GLIS3: variants seen among roughly 807,000 people sequenced by gnomAD.
The protein encoded by GLIS3 is zinc finger protein GLIS3.
A neutral mutation model predicts 78.6 loss-of-function variants in GLIS3; 53 were observed. That is an observed-to-expected ratio of 0.67 (90% CI 0.54 to 0.85). The LOEUF is 0.85. Ranked by LOEUF, GLIS3 falls within the 40% of genes least tolerant of loss-of-function variation. The pLI, the probability that GLIS3 is intolerant of heterozygous loss-of-function variation, is 0.00. For missense variants in GLIS3, 1,703 were observed against 1,231.1 expected (o/e 1.38, Z -5.74); for synonymous variants, 684 against 509.9 (o/e 1.34, Z -4.60).
chr9:4,419,699 G>A, the GLIS3 span, among the ~76,000 whole-genome samples: 1 of 152,110 alleles, frequency 6.6e-6, no homozygotes, highest in Non-Finnish European at 1.5e-5. Flanking sequence ...AGAATCGCTT[G>A]AACCCAGGAG....
intron 4 of GLIS3, among the ~76,000 whole-genome samples, chr9:3,951,841 A>AACACACACAC (rs3061609): frequency 0.068 from 8,886 of 130,438 alleles, 396 homozygotes; most frequent in African/African-American, 0.084. Flanking sequence ...AATAAGCATG[A>AACACACACAC]ACACACACAC....
At chr9:4,265,073 G>A (rs143221635) in intron 2 of GLIS3, among the ~76,000 whole-genome samples, 1 of 151,188 alleles carries the variant, frequency 6.6e-6, no homozygotes, top group Non-Finnish European at 1.5e-5. Flanking sequence ...TCGGGAGGCT[G>A]AGGCAGGAGA....
At chr9:4,033,929 G>T (rs139987874) in intron 4 of GLIS3, among the ~76,000 whole-genome samples, 1 of 140,412 alleles carries the variant, frequency 7.1e-6, no homozygotes, top group Admixed American at 7.2e-5. Context: ...TCTGGGTTCA[G>T]ATTAAGCCAT....
Position 4,096,816 on chromosome 9 carries a change from A to T in GLIS3, c.1710+20952T>A, listed in dbSNP as rs530405574. 7.2e-5 allele frequency among the ~76,000 whole-genome samples: 11 copies of T among 152,290 alleles called. 1 individual carries two copies. The South Asian group carries it at 2.3e-3, about 32-fold the overall frequency. The stretch of plus-strand genomic sequence containing the variant: ...TGCTTGAACCCTGGAGCTCAAGACC[A>T]GCCTGGGCAACATGGCAAAATTCCG... On this transcript the variant is annotated intron_variant, in intron 4 of 10. Coordinates refer to ENST00000381971, the MANE Select transcript of GLIS3 (RefSeq NM_001042413.2).
intron 8 of GLIS3, among the ~76,000 whole-genome samples, chr9:3,873,393 G>C (rs765110755): frequency 6.6e-6 from 1 of 152,078 alleles, no homozygotes; most frequent in Admixed American, 6.5e-5. Context: ...ATTTATACGA[G>C]GGAAGCAAGG....
chr9:4,298,713 GGGGAGGGTTCGT>G, intron 1 of GLIS3, among the ~76,000 whole-genome samples: 1 of 152,284 alleles, frequency 6.6e-6, no homozygotes. Context: ...CGAACCCGGC[GGGGAGGGTTCGT>G]GTCTGGCTGT....
At chr9:3,943,999 CT>C (rs1221211199) in intron 4 of GLIS3, among the ~76,000 whole-genome samples, 1 of 152,174 alleles carries the variant, frequency 6.6e-6, no homozygotes, top group Admixed American at 6.5e-5. Context: ...GCTTGTTGCG[CT>C]GCTTATTTTT....
At chr9:4,370,968 T>C in the GLIS3 span, among the ~76,000 whole-genome samples, 2 of 152,124 alleles carry the variant, frequency 1.3e-5, no homozygotes, top group African/African-American at 2.4e-5. Context: ...AGAAGGAAAA[T>C]TGCAAAGATT....
chr9:4,405,317 G>C, the GLIS3 span, among the ~76,000 whole-genome samples: 1 of 150,770 alleles, frequency 6.6e-6, no homozygotes, highest in Non-Finnish European at 1.5e-5. Context: ...TCGTGCCATT[G>C]CACTCCAGCC....
chr9:4,449,757 C>T, the GLIS3 span, among the ~76,000 whole-genome samples: 1 of 152,134 alleles, frequency 6.6e-6, no homozygotes, highest in Non-Finnish European at 1.5e-5. Flanking sequence ...AGGGACCTGA[C>T]TCTTAGAAGA....
At chr9:3,828,934 C>G (rs961166587) in intron 10 of GLIS3, among the ~76,000 whole-genome samples, 1 of 152,018 alleles carries the variant, frequency 6.6e-6, no homozygotes, top group Non-Finnish European at 1.5e-5. Context: ...AATTTATTCT[C>G]TAGGCAATTG....
At chr9:4,192,463 C>G (rs148588688) in intron 2 of GLIS3, among the ~76,000 whole-genome samples, 199 of 152,252 alleles carry the variant, frequency 1.3e-3, no homozygotes, top group African/African-American at 4.6e-3. Flanking sequence ...TCTGAACAAC[C>G]AATTTCCAAA....
chr9:4,235,084 G>A lies in GLIS3; in HGVS notation c.388+50954C>T, dbSNP rs986249561. ...GAGGCCGAGGTGGGTGGATCACGAGGCCAGGAGATCGAGACCATCCTGGCT... is the reference window on the plus strand; with the variant it reads ...GAGGCCGAGGTGGGTGGATCACGAGACCAGGAGATCGAGACCATCCTGGCT... On this transcript the variant is annotated intron_variant, in intron 2 of 10. Coordinates refer to ENST00000381971, the MANE Select transcript of GLIS3 (RefSeq NM_001042413.2). 2.0e-5 allele frequency among the ~76,000 whole-genome samples: 3 copies of A among 152,086 alleles called. No homozygotes were observed. The South Asian group carries it at 6.2e-4, about 32-fold the overall frequency.
intron 4 of GLIS3, among the ~76,000 whole-genome samples, chr9:3,993,566 G>A (rs1174685667): frequency 6.6e-6 from 1 of 152,086 alleles, no homozygotes; most frequent in Admixed American, 6.6e-5. Flanking sequence ...ACCATTTTCA[G>A]GTATTTCCAG....
intron 4 of GLIS3, among the ~76,000 whole-genome samples, chr9:3,981,474 A>G (rs1245382860): frequency 6.6e-6 from 1 of 152,116 alleles, no homozygotes; most frequent in Non-Finnish European, 1.5e-5. Context: ...CAGCTCAGCC[A>G]TCACCTCCTT....
intron 7 of GLIS3, among the ~76,000 whole-genome samples, chr9:3,881,507 C>A: frequency 6.6e-6 from 1 of 152,128 alleles, no homozygotes; most frequent in Middle Eastern, 3.2e-3. Flanking sequence ...TGCTGCTTCT[C>A]AGAGGTCTGT....
intron 4 of GLIS3, 127 bp downstream of exon 4, chr9:4,117,641 A>G: frequency 9.9e-7 from 1 of 1,006,534 alleles, no homozygotes; most frequent in Non-Finnish European, 1.6e-6. Context: ...CTGAAGGGGA[A>G]CCCCATCTCA....
At chr9:4,367,814 A>G in the GLIS3 span, among the ~76,000 whole-genome samples, 76 of 152,268 alleles carry the variant, frequency 5.0e-4, no homozygotes, top group African/African-American at 1.8e-3. Flanking sequence ...TATGCCAAAT[A>G]TGGGCCAGGT....
intron 1 of GLIS3, among the ~76,000 whole-genome samples, chr9:4,297,559 T>C (rs1010099858): frequency 1.3e-5 from 2 of 152,150 alleles, no homozygotes; most frequent in Admixed American, 6.5e-5. Context: ...TTGGAGGAAG[T>C]TGGTTCTGCC....
Sources: gnomAD v4.1 joint callset for allele counts (sites outside exome capture counted in the v4.1 genomes callset) on GRCh38, gnomAD v4.1.1 for gene constraint, MANE v1.5 for transcripts, NCBI Gene and HGNC (gene_info 2026-07-23, HGNC 2026-07-21) for gene names.